The following WDFY3 variants were observed in gnomAD, a reference collection of about 807,000 sequenced individuals.
WDFY3 encodes WD repeat and FYVE domain-containing protein 3.
Under a neutral mutation model 409.6 loss-of-function variants are expected in WDFY3, and 66 were observed. The observed-to-expected ratio is 0.16, with a 90% confidence interval of 0.13 to 0.20. WDFY3 has a LOEUF of 0.20. Ranked by LOEUF, WDFY3 falls within the 10% of genes least tolerant of loss-of-function variation. WDFY3 has a pLI of 1.00. For synonymous variants in WDFY3, 1,521 were observed against 1,537.1 expected (o/e 0.99, Z 0.25); for missense variants, 3,031 against 4,298.1 (o/e 0.71, Z 8.24).
At chr4:84,843,264 A>T (rs1757630557) in intron 5 of WDFY3, among the ~76,000 whole-genome samples, 1 of 152,214 alleles carries the variant, frequency 6.6e-6, no homozygotes, top group Admixed American at 6.5e-5. Flanking sequence ...GACAAAACAA[A>T]CTATCTTTAC....
At chr4:84,789,668 C>T in intron 22 of WDFY3, 58 bp downstream of exon 22, 1 of 1,082,734 alleles carries the variant, frequency 9.2e-7, no homozygotes, top group Admixed American at 2.4e-5. Flanking sequence ...CACACACACA[C>T]ACCCCCCAAA....
chr4:84,789,946 C>T, intron 21 of WDFY3, 39 bp from the exon 22 acceptor site: 1 of 1,600,496 alleles, frequency 6.2e-7, no homozygotes, highest in Non-Finnish European at 8.5e-7. Flanking sequence ...CTTTTTCCAA[C>T]ACCATCCCTA....
chr4:84,727,538 T>G (rs1735864691), intron 44 of WDFY3, among the ~76,000 whole-genome samples: 2 of 152,200 alleles, frequency 1.3e-5, no homozygotes, highest in South Asian at 4.1e-4. Context: ...AGAGTACTTT[T>G]AAAAGAATTA....
At chr4:84,727,259 A>C (rs1315892050) in intron 44 of WDFY3, among the ~76,000 whole-genome samples, 1 of 152,172 alleles carries the variant, frequency 6.6e-6, no homozygotes, top group Non-Finnish European at 1.5e-5. Flanking sequence ...CAAAAAACAA[A>C]AAACCTGAAA....
intron 32 of WDFY3, among the ~76,000 whole-genome samples, chr4:84,757,918 T>C (rs1366355553): frequency 6.6e-6 from 1 of 152,208 alleles, no homozygotes; most frequent in Non-Finnish European, 1.5e-5. Flanking sequence ...GGCAGTGGGA[T>C]GGTAAATCCA....
chr4:84,908,530 AAGAC>A (rs1206913328), intron 2 of WDFY3, among the ~76,000 whole-genome samples: 1 of 152,222 alleles, frequency 6.6e-6, no homozygotes, highest in Non-Finnish European at 1.5e-5. Context: ...GTTGTCCAAA[AAGAC>A]AGAACTATAA....
intron 3 of WDFY3, among the ~76,000 whole-genome samples, chr4:84,888,879 A>G (rs927910729): frequency 2.6e-5 from 4 of 151,698 alleles, no homozygotes; most frequent in Admixed American, 6.6e-5. Context: ...GCTTGTCAGT[A>G]TATCAGCACT....
intron 3 of WDFY3, among the ~76,000 whole-genome samples, chr4:84,894,750 C>A (rs143625708): frequency 6.6e-6 from 1 of 151,622 alleles, no homozygotes; most frequent in African/African-American, 2.4e-5. Context: ...TGCGTCACCG[C>A]ACTCCGGCCT....
chr4:84,831,122 G>GGTTGCAGT (rs1755650761), intron 8 of WDFY3, among the ~76,000 whole-genome samples: 2 of 150,594 alleles, frequency 1.3e-5, no homozygotes, highest in African/African-American at 4.9e-5. Context: ...GGAGGATGGA[G>GGTTGCAGT]GTTGCAGTGA....
At chr4:84,764,884 T>C (rs574043829) in intron 32 of WDFY3, among the ~76,000 whole-genome samples, 1 of 150,664 alleles carries the variant, frequency 6.6e-6, no homozygotes, top group East Asian at 1.9e-4. Context: ...AAAAAAAAGA[T>C]CTGTCTTCCT....
At chr4:84,848,069 A>C (rs1281678240) in intron 5 of WDFY3, among the ~76,000 whole-genome samples, 2 of 151,940 alleles carry the variant, frequency 1.3e-5, no homozygotes, top group Non-Finnish European at 2.9e-5. Flanking sequence ...TCTAACTAGA[A>C]GGAGAAAACA....
intron 1 of WDFY3, among the ~76,000 whole-genome samples, chr4:84,940,368 T>A (rs755352018): frequency 5.9e-5 from 9 of 152,130 alleles, no homozygotes; most frequent in Non-Finnish European, 1.2e-4. Flanking sequence ...TAAAATACAT[T>A]CAGGTTCATT....
At chr4:84,714,072 C>T (rs770425258) in intron 50 of WDFY3, among the ~76,000 whole-genome samples, 14 of 151,624 alleles carry the variant, frequency 9.2e-5, no homozygotes, top group South Asian at 2.1e-4. Context: ...GCCGAGATTG[C>T]GCCACTGCAC....
intron 19 of WDFY3, among the ~76,000 whole-genome samples, chr4:84,795,694 G>A (rs898663575): frequency 1.3e-5 from 2 of 151,996 alleles, no homozygotes; most frequent in Non-Finnish European, 2.9e-5. Flanking sequence ...CCTGAGAGGC[G>A]GAGGTTGCAG....
intron 7 of WDFY3, among the ~76,000 whole-genome samples, chr4:84,836,713 A>G (rs1191498888): frequency 6.6e-6 from 1 of 152,220 alleles, no homozygotes; most frequent in East Asian, 1.9e-4. Context: ...TCAGAGAAAC[A>G]AACTTGCTAA....
rs574774920 is a variant in WDFY3 at position 84,756,832 on chromosome 4, G to A, written c.5424+94C>T. The A allele has an allele frequency of 2.0e-3, 2,562 of 1,280,180 alleles. 5 individuals carry two copies. Among genetic ancestry groups the A allele is most frequent in the Non-Finnish European group, 2.6e-3 (2,362 of 918,400 alleles). 79.3% of individuals were successfully genotyped at this position (1,280,180 alleles called of 1,614,324 possible). A position where few individuals can be genotyped will look rare whatever the true frequency, so the allele number is the denominator to read the frequency against. On this transcript the variant is annotated intron_variant, in intron 33 of 67. Coordinates refer to ENST00000295888, the MANE Select transcript of WDFY3 (RefSeq NM_014991.6). ...AACCTTAAATGTGGGGAAAGTGATG[G>A]AATTGACAGTTGGTTTTACAGTGAT...
At chr4:84,909,577 A>T (rs1333641957) in intron 2 of WDFY3, among the ~76,000 whole-genome samples, 2 of 152,222 alleles carry the variant, frequency 1.3e-5, no homozygotes, top group East Asian at 3.9e-4. Context: ...ACAGTCATTC[A>T]TATTTGGCTT....
chr4:84,824,316 CTAT>C (rs751917316), intron 10 of WDFY3, among the ~76,000 whole-genome samples: 4 of 152,062 alleles, frequency 2.6e-5, no homozygotes, highest in African/African-American at 4.8e-5. Flanking sequence ...TTATATTTTA[CTAT>C]TATTGTTGTT....
In WDFY3 at chr4:84,873,201, C is replaced by T. The variant is rs546265854; in HGVS notation, c.-31-12579G>A. Among the ~76,000 whole-genome samples the T allele has an allele frequency of 2.6e-5, 4 of 152,268 alleles. No individual in the cohort carries two copies. In the East Asian group the frequency reaches 7.7e-4, roughly 29 times the overall value. On this transcript the variant is annotated intron_variant, in intron 3 of 67. Transcript: ENST00000295888. ...ATCTACAGTTGACATTTATAGGATA[C>T]TTGATCCAACAACAGCAGAATACAC...
Sources: gnomAD v4.1 joint callset for allele counts (sites outside exome capture counted in the v4.1 genomes callset) on GRCh38, gnomAD v4.1.1 for gene constraint, MANE v1.5 for transcripts, NCBI Gene and HGNC (gene_info 2026-07-23, HGNC 2026-07-21) for gene names.